Variants in PHACTR2 observed in about 807,000 individuals in gnomAD.
PHACTR2 encodes the protein phosphatase and actin regulator 2.
Under a neutral mutation model 76.0 loss-of-function variants are expected in PHACTR2, and 30 were observed. The ratio of observed to expected loss-of-function variants is 0.39; its 90% CI spans 0.30 to 0.54. The LOEUF is 0.54. Ranked by LOEUF, PHACTR2 falls within the 20% of genes least tolerant of loss-of-function variation. The pLI is 0.61. For missense variants in PHACTR2, 696 were observed against 781.1 expected, an observed-to-expected ratio of 0.89 and a Z score of 1.30; for synonymous variants, 292 against 292.5, an observed-to-expected ratio of 1.00 and a Z score of 0.02.
In PHACTR2 at chr6:143,585,911, CA is replaced by C. The variant is rs1369022275; in HGVS notation, c.217+48705del. Among the ~76,000 whole-genome samples the C allele has an allele frequency of 1.3e-5, 2 of 152,176 alleles. No homozygotes were observed. The highest frequency in any genetic ancestry group is 2.9e-5 in the Non-Finnish European group (2 of 68,020). On this transcript the variant is annotated intron_variant, in intron 1 of 11. Transcript: ENST00000367584. This position sits in a 1 kb window ranked among gnomAD's most constrained non-coding sequence, Gnocchi z 5.2. ...GGCCGCTAGCACTTCATGGCAGGGA[CA>C]CATTATTTTTCTTCTTTGAAACAAT... is the stretch of plus-strand genomic sequence containing the variant.
chr6:143,715,991 A>C (rs762840635), intron 2 of PHACTR2, among the ~76,000 whole-genome samples: 1 of 152,164 alleles, frequency 6.6e-6, no homozygotes. Flanking sequence ...GTAGCTAGCT[A>C]TAGAAATCTG....
chr6:143,604,672 A>G (rs1775848149), upstream of PHACTR2, among the ~76,000 whole-genome samples: 1 of 152,138 alleles, frequency 6.6e-6, no homozygotes, highest in African/African-American at 2.4e-5. Context: ...ACCTGCGGTC[A>G]GGAGTTCAAG....
rs1292116296 is a variant in PHACTR2, at chr6:143,550,133, C to T, written c.217+12926C>T. On this transcript the variant is annotated intron_variant, in intron 1 of 11. Transcript: ENST00000367584. The surrounding 1 kb of genome is among the most constrained non-coding windows in gnomAD (Gnocchi z 4.8). ...TTCACATATGAGTAGATGACAGAGT[C>T]GTATTATCTAATGTAGCATTTCTCA... Among the ~76,000 whole-genome samples the T allele has an allele frequency of 1.3e-5, 2 of 151,968 alleles. No individual in the cohort carries two copies. Among genetic ancestry groups the T allele is most frequent in the African/African-American group, 2.4e-5 (1 of 41,398 alleles).
intron 3 of PHACTR2, among the ~76,000 whole-genome samples, chr6:143,749,354 C>G (rs1016604061): frequency 1.3e-5 from 2 of 152,176 alleles, no homozygotes; most frequent in Non-Finnish European, 1.5e-5. Flanking sequence ...CAAATGCTTA[C>G]GGCTCCTTCT....
Position 143,627,495 on chromosome 6 carries a change from T to A in PHACTR2, c.13+19173T>A, listed in dbSNP as rs1776280597. Among the ~76,000 whole-genome samples the A allele has an allele frequency of 1.3e-5, 2 of 152,218 alleles. No homozygotes were observed. The highest frequency in any genetic ancestry group is 4.8e-5 in the African/African-American group (2 of 41,460). ...TGCGGAATTCAAGAGTCTTTCCCCA[T>A]CTTTTAATTTTTGTATTAAGGTGAG... On this transcript the variant is annotated intron_variant, in intron 1 of 11. Transcript: ENST00000305766. This position sits in a 1 kb window ranked among gnomAD's most constrained non-coding sequence, Gnocchi z 4.3.
At chr6:143,716,570 C>T (rs528182376) in intron 2 of PHACTR2, among the ~76,000 whole-genome samples, 146 of 152,318 alleles carry the variant, frequency 9.6e-4, no homozygotes, top group Non-Finnish European at 1.5e-3. Context: ...AACTCCCGGG[C>T]TCAAGCAATC....
At position 143,800,424 on chromosome 6, in the gene PHACTR2, G is replaced by C. The variant is rs1281350224; in HGVS notation, c.1846-6633G>C. On this transcript the variant is annotated intron_variant, in intron 11 of 12. Transcript: ENST00000440869. The surrounding 1 kb of genome is among the most constrained non-coding windows in gnomAD (Gnocchi z 4.8). ...CTACAGGTGCCCGCCACCATGCCCA[G>C]TTAATTTTTTGTATTTTTAGTAGAG... Among the ~76,000 whole-genome samples the C allele has an allele frequency of 1.1e-4, 16 of 152,072 alleles. No individual in the cohort carries two copies. Among genetic ancestry groups the C allele is most frequent in the Non-Finnish European group, 2.9e-5 (2 of 68,018 alleles).
upstream of PHACTR2, among the ~76,000 whole-genome samples, chr6:143,675,413 T>G (rs1777224496): frequency 6.6e-6 from 1 of 152,292 alleles, no homozygotes; most frequent in Admixed American, 6.5e-5. The surrounding 1 kb of genome is among the most constrained non-coding windows in gnomAD (Gnocchi z 4.9). Flanking sequence ...TGGGCCAAAT[T>G]GTTACATTTC....
At chr6:143,815,276 G>A (rs1776273868) in intron 12 of PHACTR2, among the ~76,000 whole-genome samples, 1 of 152,136 alleles carries the variant, frequency 6.6e-6, no homozygotes, top group African/African-American at 2.4e-5. Context: ...ACAAGGAGCT[G>A]TAATTTAAGA....
intron 1 of PHACTR2, among the ~76,000 whole-genome samples, chr6:143,690,053 T>A (rs1411515666): frequency 6.6e-6 from 1 of 152,236 alleles, no homozygotes; most frequent in Admixed American, 6.5e-5. Context: ...ATAGCAGAAA[T>A]GCCAACGATA....
Position 143,663,552 on chromosome 6 carries a change from A to G in PHACTR2, c.14-48464A>G, listed in dbSNP as rs543357444. Among the ~76,000 whole-genome samples the G allele has an allele frequency of 2.6e-5, 4 of 151,952 alleles. No homozygotes were observed. Among genetic ancestry groups the G allele is most frequent in the African/African-American group, 9.7e-5 (4 of 41,388 alleles). Reference sequence around the variant, plus strand: ...GAATAGATCTTTTCTTTGTTTTTTTAAATAAATGCGATTAAAGCTTTAAAT... The same window carrying G: ...GAATAGATCTTTTCTTTGTTTTTTTGAATAAATGCGATTAAAGCTTTAAAT... On this transcript the variant is annotated intron_variant, in intron 1 of 11. Coordinates refer to the PHACTR2 transcript ENST00000305766. This position sits in a 1 kb window ranked among gnomAD's most constrained non-coding sequence, Gnocchi z 4.1.
At position 143,829,796 on chromosome 6, in the gene PHACTR2, G is replaced by A. The variant is rs1776623525; in HGVS notation, c.*6107G>A. ...TGTTTTTGGGGCCGAGTAACGCAGA[G>A]TCAATAAAGGTGGTTATATTGTAAG... On this transcript the variant is annotated 3_prime_UTR_variant, in exon 13 of 13. Coordinates refer to ENST00000440869, the MANE Select transcript of PHACTR2 (RefSeq NM_001100164.2). The A allele has an allele frequency of 6.6e-6, 1 of 152,114 alleles. No homozygotes were observed. The highest frequency in any genetic ancestry group is 2.4e-5 in the African/African-American group (1 of 41,418). The allele number at this position is 152,114 out of a possible 1,614,324, so 9.4% of individuals were successfully genotyped here.
Position 143,793,617 on chromosome 6 carries a change from A to G in PHACTR2, c.1845+4707A>G, listed in dbSNP as rs940810416. ...GAGGTAGAATTTCTTTTAAATAGAA[A>G]AAATATTGGCCAGGCATGGTGGCTC... On this transcript the variant is annotated intron_variant, in intron 11 of 12. Coordinates refer to ENST00000440869, the MANE Select transcript of PHACTR2 (RefSeq NM_001100164.2). This position sits in a 1 kb window ranked among gnomAD's most constrained non-coding sequence, Gnocchi z 4.4. Among the ~76,000 whole-genome samples, 2 of 152,104 alleles carry G rather than the reference A, an allele frequency of 1.3e-5. No individual in the cohort carries two copies. Among genetic ancestry groups the G allele is most frequent in the African/African-American group, 2.4e-5 (1 of 41,424 alleles).
At chr6:143,694,524 A>C (rs1460274845) in intron 1 of PHACTR2, among the ~76,000 whole-genome samples, 1 of 152,222 alleles carries the variant, frequency 6.6e-6, no homozygotes, top group African/African-American at 2.4e-5. Context: ...TTTTGTTCTC[A>C]AATGTCACTA....
chr6:143,686,481 C>CTTTTTTTTTTTTTT (rs71024870), intron 1 of PHACTR2, among the ~76,000 whole-genome samples: 3 of 83,990 alleles, frequency 3.6e-5, no homozygotes, highest in Non-Finnish European at 6.6e-5. Context: ...GAACTTCATT[C>CTTTTTTTTTTTTTT]TTTTTTTTTT....
At position 143,652,525 on chromosome 6, in the gene PHACTR2, G is replaced by A. The variant is rs74606565; in HGVS notation, c.13+44203G>A. ...CACGCTGTGTTTTTCCCTGTGAGAC[G>A]TGTGAATGCCTTGTGGATATTTGTG... is the stretch of plus-strand genomic sequence containing the variant. On this transcript the variant is annotated intron_variant, in intron 1 of 11. Coordinates refer to the PHACTR2 transcript ENST00000305766. This position sits in a 1 kb window ranked among gnomAD's most constrained non-coding sequence, Gnocchi z 4.5. 2.4e-3 allele frequency among the ~76,000 whole-genome samples: 360 copies of A among 152,292 alleles called. 3 individuals are homozygous for A. Among genetic ancestry groups the A allele is most frequent in the African/African-American group, 8.2e-3 (342 of 41,544 alleles).
At position 143,585,451 on chromosome 6, in the gene PHACTR2, G is replaced by A. The variant is rs2128433654; in HGVS notation, c.217+48244G>A. 6.6e-6 allele frequency among the ~76,000 whole-genome samples: 1 copy of A among 152,304 alleles called. No individual in the cohort carries two copies. The highest frequency in any genetic ancestry group is 1.5e-5 in the Non-Finnish European group (1 of 68,026). On this transcript the variant is annotated intron_variant, in intron 1 of 11. Transcript: ENST00000367584. The surrounding 1 kb of genome is among the most constrained non-coding windows in gnomAD (Gnocchi z 5.2). Reference sequence around the variant, plus strand: ...CACAAGAACAACACATTGGAACTAGGAAACCAGGTTTGCAGTTAACCTAGG... The same window carrying A: ...CACAAGAACAACACATTGGAACTAGAAAACCAGGTTTGCAGTTAACCTAGG...
rs202166197 is a variant in PHACTR2, at chr6:143,765,616, T to C, written c.1050T>C (p.Pro350=). 8 of 1,613,830 alleles carry C rather than the reference T, an allele frequency of 5.0e-6. No individual in the cohort carries two copies. The highest frequency in any genetic ancestry group is 1.7e-5 in the Admixed American group (1 of 59,996). The change falls in exon 6 of 13, where the codon CCT becomes CCC. Residue 350 remains proline (P), a synonymous_variant. Transcript: ENST00000440869. This position sits in a 1 kb window ranked among gnomAD's most constrained non-coding sequence, Gnocchi z 4.1. ...VAPAPSPLAP[P]LPLEDQCITA... is the part of the protein sequence containing the mutation. ...CAGCACCTTCTCCTCTGGCCCCCCC[T>C]CTCCCTCTTGAGGATCAGTGCATTA... is the stretch of plus-strand genomic sequence containing the variant.
At chr6:143,734,606 C>T (rs1778777633) in intron 2 of PHACTR2, among the ~76,000 whole-genome samples, 1 of 152,222 alleles carries the variant, frequency 6.6e-6, no homozygotes, top group East Asian at 1.9e-4. Flanking sequence ...AAAAATCACA[C>T]ACATAGAATG....
Sources: allele counts gnomAD v4.1 joint callset (sites outside exome capture counted in the v4.1 genomes callset), GRCh38; gene constraint gnomAD v4.1.1; non-coding constraint Gnocchi (gnomAD v3.1); transcripts MANE v1.5; gene names NCBI Gene and HGNC (gene_info 2026-07-23, HGNC 2026-07-21).